Variants in GYS2 observed in about 807,000 individuals in gnomAD.
GYS2 encodes the protein glycogen [starch] synthase, liver.
A neutral mutation model predicts 85.6 loss-of-function variants in GYS2; 80 were observed. The ratio of observed to expected loss-of-function variants is 0.93; its 90% CI spans 0.78 to 1.13. GYS2 has a LOEUF of 1.13. Ranked by LOEUF, GYS2 falls within the 50% of genes most tolerant of loss-of-function variation. The pLI is 0.00. For missense variants in GYS2, 881 were observed against 854.9 expected (o/e 1.03, Z -0.38); for synonymous variants, 328 against 300.7 (o/e 1.09, Z -0.94).
At chr12:21,543,468 A>G (rs1944002592) in intron 12 of GYS2, among the ~76,000 whole-genome samples, 1 of 152,216 alleles carries the variant, frequency 6.6e-6, no homozygotes, top group African/African-American at 2.4e-5. Context: ...ACTCCTCTCC[A>G]GAAATATTCT....
rs377377357 is a variant in GYS2 at position 21,560,425 on chromosome 12, A to G, written c.1130T>C (p.Val377Ala). ...CACTGCTTGTCCTTTCAGGGTTTCC[A>G]CGTTGAAATTATTTGTCTTGGCAGG... ...IMPAKTNNFN[V>A]ETLKGQAVRK... The change falls in exon 8 of 16, where the codon GTG becomes GCG. Residue 377 changes from valine (V) to alanine (A), a missense_variant. Physicochemically the swap from Val to Ala is moderately conservative, Grantham distance 64. Transcript: ENST00000261195. 6.2e-7 allele frequency: 1 copy of G among 1,610,002 alleles called. No homozygotes were observed. The highest frequency in any genetic ancestry group is 8.5e-7 in the Non-Finnish European group (1 of 1,176,288).
chr12:21,592,129 A>C (rs143896656), intron 1 of GYS2, among the ~76,000 whole-genome samples: 2 of 151,028 alleles, frequency 1.3e-5, no homozygotes. Flanking sequence ...CCAAACCACA[A>C]TCATAAATAA....
In GYS2 at chr12:21,602,629, C is replaced by A. The variant is rs1944767227; in HGVS notation, c.121+1843G>T. The stretch of plus-strand genomic sequence containing the variant: ...CTCTCCACAAAAACACTTCCCTTCC[C>A]CTTGAAAGGGAAATGATAGAAAATA... On this transcript the variant is annotated intron_variant, in intron 1 of 15. Coordinates refer to ENST00000261195, the MANE Select transcript of GYS2 (RefSeq NM_021957.4). 2.0e-5 allele frequency among the ~76,000 whole-genome samples: 3 copies of A among 151,946 alleles called. No individual in the cohort carries two copies. The South Asian group carries it at 6.3e-4, about 32-fold the overall frequency.
chr12:21,593,627 AG>A (rs1944663833), intron 1 of GYS2, among the ~76,000 whole-genome samples: 3 of 152,018 alleles, frequency 2.0e-5, no homozygotes, highest in Admixed American at 2.0e-4. Context: ...AGTAGTAAAA[AG>A]TCTCCCAAAA....
chr12:21,567,072 C>T (rs1944329597), intron 5 of GYS2, among the ~76,000 whole-genome samples: 1 of 151,982 alleles, frequency 6.6e-6, no homozygotes. Context: ...CCTTTAAATG[C>T]TAGAGAATAT....
chr12:21,539,041 T>A (rs576364417), intron 15 of GYS2, among the ~76,000 whole-genome samples: 103 of 152,166 alleles, frequency 6.8e-4, no homozygotes, highest in Non-Finnish European at 1.2e-3. Flanking sequence ...GCAGAGAAAG[T>A]TTTAATTCAG....
intron 11 of GYS2, among the ~76,000 whole-genome samples, chr12:21,549,042 G>GATA (rs202090153): frequency 0.031 from 4,710 of 152,190 alleles, 96 homozygotes; most frequent in Middle Eastern, 0.095. Flanking sequence ...AATATTAATA[G>GATA]TTCAGGTTTA....
intron 11 of GYS2, among the ~76,000 whole-genome samples, chr12:21,550,338 CACACACACACACA>C (rs1944091888): frequency 6.6e-6 from 1 of 151,820 alleles, no homozygotes; most frequent in African/African-American, 2.4e-5. Flanking sequence ...CACACACACA[CACACACACACACA>C]CCCCTGGTTT....
chr12:21,578,900 C>A (rs1210992610), intron 2 of GYS2, among the ~76,000 whole-genome samples: 2 of 152,150 alleles, frequency 1.3e-5, no homozygotes, highest in Non-Finnish European at 2.9e-5. Context: ...TATTTAATAA[C>A]ACACCAATTC....
chr12:21,553,040 A>G (rs938751907), intron 11 of GYS2, among the ~76,000 whole-genome samples: 5 of 152,324 alleles, frequency 3.3e-5, no homozygotes, highest in African/African-American at 1.2e-4. Context: ...AAGCTGTTAA[A>G]TGCAGCACCT....
At chr12:21,574,729 T>A (rs1591799789) in intron 3 of GYS2, among the ~76,000 whole-genome samples, 1 of 152,074 alleles carries the variant, frequency 6.6e-6, no homozygotes, top group East Asian at 1.9e-4. Context: ...ATAAGCTTAT[T>A]TTTAAAAAAC....
chr12:21,558,781 C>A (rs1325775915), intron 10 of GYS2, among the ~76,000 whole-genome samples: 1 of 152,060 alleles, frequency 6.6e-6, no homozygotes, highest in East Asian at 1.9e-4. Flanking sequence ...GACTCAAATT[C>A]TATGTTTTGG....
At chr12:21,572,207 A>T (rs1035664945) in intron 4 of GYS2, among the ~76,000 whole-genome samples, 2 of 152,196 alleles carry the variant, frequency 1.3e-5, no homozygotes, top group Non-Finnish European at 2.9e-5. Flanking sequence ...AACTTAAACC[A>T]GCGTTAGAGT....
chr12:21,584,907 G>A (rs373673473), intron 1 of GYS2, among the ~76,000 whole-genome samples: 50 of 152,298 alleles, frequency 3.3e-4, no homozygotes, highest in South Asian at 1.9e-3. Flanking sequence ...CATGCTCATG[G>A]AATTTACTGG....
At chr12:21,537,757 A>T (rs1358593526) in intron 15 of GYS2, among the ~76,000 whole-genome samples, 1 of 152,188 alleles carries the variant, frequency 6.6e-6, no homozygotes, top group Non-Finnish European at 1.5e-5. Flanking sequence ...TAATGAGAAA[A>T]TATCACTAGA....
chr12:21,557,799 T>G (rs962957177), intron 11 of GYS2, among the ~76,000 whole-genome samples: 4 of 151,960 alleles, frequency 2.6e-5, no homozygotes, highest in Non-Finnish European at 5.9e-5. Context: ...CTCGGGAGGC[T>G]GAGGCAGGAG....
intron 14 of GYS2, 135 bp from the exon 15 acceptor site, chr12:21,539,473 A>C: frequency 1.4e-6 from 1 of 701,244 alleles, no homozygotes; most frequent in South Asian, 1.6e-5. Context: ...ATGCAGTCTA[A>C]GTTTGAGACT....
chr12:21,548,619 G>C (rs7138490), intron 11 of GYS2, among the ~76,000 whole-genome samples: 61 of 152,180 alleles, frequency 4.0e-4, no homozygotes, highest in African/African-American at 1.4e-3. Context: ...TGGCTCTTGT[G>C]CACTTGTATG....
intron 1 of GYS2, among the ~76,000 whole-genome samples, chr12:21,581,627 C>A (rs1262226119): frequency 6.6e-6 from 1 of 152,180 alleles, no homozygotes; most frequent in Admixed American, 6.5e-5. Flanking sequence ...ATTCTCTCCT[C>A]TAATATTGCT....
Sources: allele counts gnomAD v4.1 joint callset (sites outside exome capture counted in the v4.1 genomes callset), GRCh38; gene constraint gnomAD v4.1.1; transcripts MANE v1.5; gene names NCBI Gene and HGNC (gene_info 2026-07-23, HGNC 2026-07-21).